Variants in GART observed in about 807,000 individuals in gnomAD.
GART encodes phosphoribosylglycinamide formyltransferase, phosphoribosylglycinamide synthetase, phosphoribosylaminoimidazole synthetase.
A neutral mutation model predicts 107.2 loss-of-function variants in GART; 43 were observed. The ratio of observed to expected loss-of-function variants is 0.40; its 90% confidence interval spans 0.31 to 0.52. GART has a LOEUF of 0.52. GART is among the 20% of genes least tolerant of loss of function. The probability of loss-of-function intolerance (pLI) is 0.52; values close to 1 mark genes in which losing one functional copy is unlikely to be tolerated. For synonymous variants in GART, 434 were observed against 427.0 expected, an observed-to-expected ratio of 1.02 and a Z score of -0.20; for missense variants, 1,107 against 1,206.5, an observed-to-expected ratio of 0.92 and a Z score of 1.22.
At chr21:33,527,169 A>C (rs929956621) in intron 10 of GART, among the ~76,000 whole-genome samples, 1 of 152,196 alleles carries the variant, frequency 6.6e-6, no homozygotes, top group Non-Finnish European at 1.5e-5. Context: ...CGTGGGATTC[A>C]TAAGGCAATG....
rs772102457 is a variant in GART, at chr21:33,520,399, G to A, written c.1667C>T (p.Ala556Val). ...SVTEAVVAGI[A>V]KACGKAGCAL... ...ACATCCAGCTTTTCCACAAGCTTTA[G>A]CAATTCCAGCAACAACAGCTTCAGT... is the stretch of plus-strand genomic sequence containing the variant. The change falls in exon 14 of 22, where the codon GCT (alanine) becomes GTT (valine). Residue 556 changes from alanine to valine, a missense_variant. Physicochemically the swap from Ala to Val is moderately conservative, Grantham distance 64. Coordinates refer to ENST00000381815, the MANE Select transcript of GART (RefSeq NM_000819.5). The A allele has an allele frequency of 6.2e-7, 1 of 1,614,128 alleles. No homozygotes were observed. The highest frequency in any genetic ancestry group is 1.1e-5 in the South Asian group (1 of 91,080).
chr21:33,512,894 T>G (rs2084812081), intron 16 of GART, among the ~76,000 whole-genome samples: 1 of 151,834 alleles, frequency 6.6e-6, no homozygotes, highest in African/African-American at 2.4e-5. Context: ...TGATAATCAG[T>G]TTTTTAATAC....
In GART at chr21:33,509,913, TG is replaced by T. The variant is rs1360209117; in HGVS notation, c.2321del (p.Pro774HisfsTer3). The T allele has an allele frequency of 5.6e-5, 91 of 1,610,778 alleles. No homozygotes were observed. Among genetic ancestry groups the T allele is most frequent in the Non-Finnish European group, 7.5e-5 (89 of 1,178,916 alleles). ...CAATCAGATTCTTGACTTTCACACG[TG>T]GGGAACCTTCATTTCAAACATATCC... is the stretch of plus-strand genomic sequence containing the variant. ...GSVVARAEGS[P>X]RVKVKNLIES... On this transcript the variant is annotated frameshift_variant, in exon 18 of 22. Coordinates refer to ENST00000381815, the MANE Select transcript of GART (RefSeq NM_000819.5). LOFTEE classifies it high-confidence loss of function.
chr21:33,505,601 G>C lies in GART; in HGVS notation c.2685C>G (p.Phe895Leu). ...FSIDIVCLAGFMRILSGPFVQ... is the reference protein window; with the variant it reads ...FSIDIVCLAGLMRILSGPFVQ... The stretch of plus-strand genomic sequence containing the variant: ...CAAAGGGGCCAGAAAGAATTCTCAT[G>C]AATCCTGCAAGACAGACTATGTCTA... Residue 895 changes from phenylalanine to leucine, a missense_variant, in exon 20 of 22, where the codon TTC (phenylalanine) becomes TTG (leucine). Coordinates refer to ENST00000381815, the MANE Select transcript of GART (RefSeq NM_000819.5). The C allele has an allele frequency of 6.2e-7, 1 of 1,607,180 alleles. No individual in the cohort carries two copies.
intron 15 of GART, 89 bp downstream of exon 15, chr21:33,517,268 C>T: frequency 6.3e-7 from 1 of 1,574,868 alleles, no homozygotes; most frequent in Non-Finnish European, 8.7e-7. Flanking sequence ...AATTCATTCC[C>T]TTTTAGCTCT....
chr21:33,539,356 C>G lies in GART; in HGVS notation c.-41G>C, dbSNP rs1380832893. On this transcript the variant is annotated splice_region_variant and 5_prime_UTR_variant, in exon 2 of 22. Transcript: ENST00000381815. ...GCAGAAATTCCAAAGGAAAATGAAA[C>G]CTGCAGAAAGAAAACCACAGTTTAT... 1 of 1,586,726 alleles carries G rather than the reference C, an allele frequency of 6.3e-7. No homozygotes were observed. Among genetic ancestry groups the G allele is most frequent in the African/African-American group, 1.4e-5 (1 of 72,876 alleles).
Position 33,511,348 on chromosome 21 carries a change from C to A in GART, c.2218G>T (p.Val740Leu). 10 of 1,614,188 alleles carry A rather than the reference C, an allele frequency of 6.2e-6. No individual in the cohort carries two copies. The highest frequency in any genetic ancestry group is 8.5e-6 in the Non-Finnish European group (10 of 1,180,016). Residue 740 changes from valine to leucine, a missense_variant, in exon 17 of 22, where the codon GTG becomes TTG. Physicochemically the swap from Val to Leu is conservative, Grantham distance 32 (BLOSUM62 1). Transcript: ENST00000381815. Reference sequence around the variant, plus strand: ...TGCTCTGTCTGCTCCTTTGATACCACAAGGACAGCGCCAACCCCACAGTTA... The same window carrying A: ...TGCTCTGTCTGCTCCTTTGATACCAAAAGGACAGCGCCAACCCCACAGTTA... ...TFNCGVGAVL[V>L]VSKEQTEQIL... is the part of the protein sequence containing the mutation.
intron 5 of GART, 32 bp downstream of exon 5, chr21:33,532,313 A>T: frequency 6.7e-7 from 1 of 1,490,174 alleles, no homozygotes; most frequent in Non-Finnish European, 9.3e-7. Flanking sequence ...GTATGAATAG[A>T]AAAGTAAATT....
chr21:33,532,232 C>T (rs111865756), intron 5 of GART, 113 bp downstream of exon 5: 11 of 720,028 alleles, frequency 1.5e-5, no homozygotes, highest in African/African-American at 1.4e-4. Flanking sequence ...AAATAACTTA[C>T]CCATATGTTT....
At chr21:33,521,680 C>A (rs987800113) in intron 12 of GART, among the ~76,000 whole-genome samples, 55 of 148,216 alleles carry the variant, frequency 3.7e-4, no homozygotes, top group African/African-American at 1.3e-3. Context: ...AAAGGACCAG[C>A]CAGACATGGT....
At chr21:33,528,028 C>G in intron 10 of GART, 139 bp downstream of exon 10, 1 of 692,138 alleles carries the variant, frequency 1.4e-6, no homozygotes, top group Non-Finnish European at 2.5e-6. Context: ...ATCCAATAAG[C>G]AACATGGTTA....
rs931428106 is a variant in GART at position 33,520,521 on chromosome 21, A to G, written c.1545T>C (p.Asp515=). 5.0e-6 allele frequency: 8 copies of G among 1,614,044 alleles called. No individual in the cohort carries two copies. Among genetic ancestry groups the G allele is most frequent in the African/African-American group, 1.3e-5 (1 of 74,944 alleles). Residue 515 remains aspartate (D), a synonymous_variant, in exon 14 of 22, where the codon GAT becomes GAC. Coordinates refer to ENST00000381815, the MANE Select transcript of GART (RefSeq NM_000819.5). ...LCNKHDTIGQ[D]LVAMCVNDIL... is the part of the protein sequence containing the mutation. The stretch of plus-strand genomic sequence containing the variant: ...TATCATTAACACACATTGCTACCAA[A>G]TCTTGACCAATGGTATCATGTTTAT...
At position 33,530,028 on chromosome 21, in the gene GART, C is replaced by T. The variant is rs192282200; in HGVS notation, c.723+731G>A. ...CCAACATGGTGAAACCCCATCTCTA[C>T]TAAAAATACAAAAATTAGCCTGGCG... On this transcript the variant is annotated intron_variant, in intron 7 of 21. Transcript: ENST00000381815. Among the ~76,000 whole-genome samples the T allele has an allele frequency of 3.3e-3, 505 of 152,030 alleles. 1 individual carries two copies. The highest frequency in any genetic ancestry group is 0.011 in the African/African-American group (463 of 41,506).
At chr21:33,542,744 G>A (rs1476071835), upstream of GART, 2 of 275,420 alleles carry the variant, frequency 7.3e-6, no homozygotes, top group Non-Finnish European at 1.4e-5. Context: ...CAGGCACTTA[G>A]CAAGCCTGTT....
chr21:33,516,262 A>G (rs948195638), intron 16 of GART, among the ~76,000 whole-genome samples: 8 of 151,740 alleles, frequency 5.3e-5, no homozygotes, highest in East Asian at 3.9e-4. Flanking sequence ...AAAAAAAAAA[A>G]AAAAAAGAAA....
intron 14 of GART, among the ~76,000 whole-genome samples, chr21:33,517,860 C>T (rs1369606241): frequency 1.3e-5 from 2 of 152,112 alleles, no homozygotes; most frequent in Non-Finnish European, 2.9e-5. Flanking sequence ...CCAAACACCA[C>T]TGCTTGCACA....
chr21:33,535,605 G>A (rs1032926622), intron 2 of GART, among the ~76,000 whole-genome samples: 3 of 152,132 alleles, frequency 2.0e-5, no homozygotes, highest in East Asian at 3.9e-4. Context: ...TATTGTTCAC[G>A]TCACTAATAT....
At chr21:33,516,908 TTAAC>T in intron 16 of GART, 77 bp downstream of exon 16, 1 of 1,258,154 alleles carries the variant, frequency 7.9e-7, no homozygotes, top group Non-Finnish European at 1.1e-6. Flanking sequence ...CATGTGTACA[TTAAC>T]TACCCATAGT....
At position 33,534,591 on chromosome 21, in the gene GART, C is replaced by T. The variant is rs372286276; in HGVS notation, c.404G>A (p.Ser135Asn). 1.2e-6 allele frequency: 2 copies of T among 1,614,010 alleles called. No homozygotes were observed. The highest frequency in any genetic ancestry group is 1.3e-5 in the African/African-American group (1 of 74,926). The stretch of plus-strand genomic sequence containing the variant: ...ACCATTTACCTACCTCAAAATGAAG[C>T]TGCAGGCTTCTTCAGGTTTGGTGAA... ...KAFTKPEEAC[S>N]FILSADFPAL... The change falls in exon 4 of 22, where the codon AGC becomes AAC. Residue 135 changes from serine (S) to asparagine (N), a missense_variant. Ser to Asn is a conservative substitution (Grantham distance 46). Coordinates refer to ENST00000381815, the MANE Select transcript of GART (RefSeq NM_000819.5).
Sources: allele counts gnomAD v4.1 joint callset (sites outside exome capture counted in the v4.1 genomes callset), GRCh38; gene constraint gnomAD v4.1.1; transcripts MANE v1.5; gene names NCBI Gene and HGNC (gene_info 2026-07-23, HGNC 2026-07-21).